DENND1B: variants seen among roughly 807,000 people sequenced by gnomAD.
The protein encoded by DENND1B is DENN domain containing 1B, also known as DENN domain-containing protein 1B.
A neutral mutation model predicts 90.1 loss-of-function variants in DENND1B; 59 were observed. The ratio of observed to expected loss-of-function variants is 0.65; its 90% CI spans 0.53 to 0.81. DENND1B has a LOEUF of 0.81. Among genes scored for constraint, DENND1B ranks in the 40% least tolerant of loss-of-function variants. The probability of loss-of-function intolerance (pLI) is 0.00; values close to 1 mark genes in which losing one functional copy is unlikely to be tolerated. For synonymous variants in DENND1B, 337 were observed against 324.6 expected (o/e 1.04, Z -0.41); for missense variants, 862 against 912.6 (o/e 0.94, Z 0.71).
At chr1:197,540,129 T>C in intron 19 of DENND1B, 58 bp from the exon 20 acceptor site, 1 of 1,195,404 alleles carries the variant, frequency 8.4e-7, no homozygotes, top group African/African-American at 1.5e-5. Flanking sequence ...ATTACTAACG[T>C]ATTAGATTAA....
intron 2 of DENND1B, chr1:197,747,541 GAC>G (rs1473759787): frequency 1.5e-5 from 3 of 196,104 alleles, no homozygotes; most frequent in Admixed American, 5.7e-5. Context: ...ACCAAAATGT[GAC>G]ACAGAAACAC....
intron 18 of DENND1B, among the ~76,000 whole-genome samples, chr1:197,544,229 A>T (rs977841437): frequency 1.3e-5 from 2 of 152,112 alleles, no homozygotes; most frequent in Admixed American, 6.6e-5. Flanking sequence ...GTTCAGAAAA[A>T]TTTTTTCAGG....
chr1:197,674,415 C>T (rs1427450524), intron 3 of DENND1B, among the ~76,000 whole-genome samples: 1 of 152,124 alleles, frequency 6.6e-6, no homozygotes, highest in East Asian at 1.9e-4. Flanking sequence ...GGTATTAACA[C>T]CCTTCACATC....
At chr1:197,569,158 G>C (rs1672936999) in intron 15 of DENND1B, among the ~76,000 whole-genome samples, 1 of 151,858 alleles carries the variant, frequency 6.6e-6, no homozygotes, top group Non-Finnish European at 1.5e-5. Context: ...ACATACAAAT[G>C]GCCAACAGTG....
chr1:197,715,181 A>G, intron 2 of DENND1B, 107 bp from the exon 3 acceptor site: 1 of 789,980 alleles, frequency 1.3e-6, no homozygotes, highest in Non-Finnish European at 2.0e-6. Flanking sequence ...TAATTACAAC[A>G]TTTAAATTTT....
At chr1:197,523,502 C>T (rs532582746) in intron 20 of DENND1B, among the ~76,000 whole-genome samples, 1 of 152,284 alleles carries the variant, frequency 6.6e-6, no homozygotes, top group Non-Finnish European at 1.5e-5. Flanking sequence ...GATCAACTAA[C>T]TAGTCACAGA....
chr1:197,692,710 T>C (rs1398906029), intron 3 of DENND1B, among the ~76,000 whole-genome samples: 1 of 151,790 alleles, frequency 6.6e-6, no homozygotes, highest in African/African-American at 2.4e-5. Context: ...GTGAAATATA[T>C]TGTTTACCTC....
chr1:197,540,859 T>C (rs1328549907), intron 19 of DENND1B, 100 bp downstream of exon 19: 1 of 1,137,826 alleles, frequency 8.8e-7, no homozygotes, highest in African/African-American at 1.6e-5. Context: ...GCTAAGCATA[T>C]TTCAAATGTC....
chr1:197,735,786 T>TG (rs780154969), intron 2 of DENND1B: 2 of 1,611,526 alleles, frequency 1.2e-6, no homozygotes, highest in Admixed American at 3.3e-5. Context: ...GCAGATAAGC[T>TG]GGACTGTCCT....
chr1:197,669,643 A>G (rs1655291147), intron 5 of DENND1B, among the ~76,000 whole-genome samples: 1 of 152,112 alleles, frequency 6.6e-6, no homozygotes, highest in African/African-American at 2.4e-5. Context: ...TTAAAATCTT[A>G]AAAGGGCAAT....
At chr1:197,646,080 G>C (rs1680709366) in intron 8 of DENND1B, among the ~76,000 whole-genome samples, 1 of 151,764 alleles carries the variant, frequency 6.6e-6, no homozygotes, top group Non-Finnish European at 1.5e-5. Flanking sequence ...TATATATACA[G>C]TATATAGAGA....
chr1:197,543,016 C>T (rs1015903505), intron 18 of DENND1B, among the ~76,000 whole-genome samples: 1 of 151,994 alleles, frequency 6.6e-6, no homozygotes, highest in Non-Finnish European at 1.5e-5. Context: ...CTCACTGCAA[C>T]CTCCACCTCC....
Position 197,553,096 on chromosome 1 carries a change from A to G in DENND1B, c.1166T>C (p.Leu389Pro). The change falls in exon 16 of 23, where the codon CTG becomes CCG. Residue 389 changes from leucine (L) to proline (P), a missense_variant. Transcript: ENST00000620048. ...QLFKQFIDGR[L>P]AKLNAGRGFS... ...ACCCCTTCCTGCATTTAGTTTTGCC[A>G]GTCGACCATCGATAAACTAGAATTA... 1 of 1,531,436 alleles carries G rather than the reference A, an allele frequency of 6.5e-7. No homozygotes were observed. 94.9% of individuals were successfully genotyped at this position (1,531,436 alleles called of 1,614,324 possible).
intron 2 of DENND1B, among the ~76,000 whole-genome samples, chr1:197,725,708 T>C (rs963156028): frequency 2.0e-5 from 3 of 150,516 alleles, no homozygotes; most frequent in African/African-American, 7.4e-5. Flanking sequence ...TGAGACAAGG[T>C]GAGGTCAGAG....
chr1:197,658,491 C>T, intron 5 of DENND1B, 122 bp from the exon 6 acceptor site: 1 of 603,836 alleles, frequency 1.7e-6, no homozygotes, highest in Non-Finnish European at 2.8e-6. Flanking sequence ...AAGAACTATA[C>T]CCATTTTCTT....
intron 5 of DENND1B, among the ~76,000 whole-genome samples, chr1:197,667,174 G>T (rs1253948771): frequency 1.3e-5 from 2 of 151,330 alleles, no homozygotes; most frequent in Non-Finnish European, 2.9e-5. Flanking sequence ...CACATCTTAA[G>T]GGTACAGTAA....
intron 10 of DENND1B, among the ~76,000 whole-genome samples, chr1:197,626,113 C>A (rs543322518): frequency 1.1e-4 from 17 of 151,922 alleles, no homozygotes; most frequent in African/African-American, 4.1e-4. Context: ...GACAGATCAA[C>A]GAGACAGAAA....
intron 3 of DENND1B, among the ~76,000 whole-genome samples, chr1:197,691,012 T>G (rs1407688926): frequency 1.3e-5 from 2 of 151,972 alleles, no homozygotes; most frequent in African/African-American, 2.4e-5. Flanking sequence ...ACATTGGTCT[T>G]CGCAATAATT....
intron 15 of DENND1B, among the ~76,000 whole-genome samples, chr1:197,568,199 T>C (rs1314123441): frequency 1.3e-5 from 2 of 152,074 alleles, no homozygotes; most frequent in African/African-American, 4.8e-5. Flanking sequence ...AAAGTAGCAT[T>C]TGTATACATT....
Sources: gnomAD v4.1 joint callset for allele counts (sites outside exome capture counted in the v4.1 genomes callset) on GRCh38, gnomAD v4.1.1 for gene constraint, MANE v1.5 for transcripts, NCBI Gene and HGNC (gene_info 2026-07-23, HGNC 2026-07-21) for gene names.